The following SMAD9 variants were observed in gnomAD, a reference collection of about 807,000 sequenced individuals.
SMAD9 encodes SMAD family member 9, also known as MAD homolog 9.
Under a neutral mutation model 46.1 loss-of-function variants are expected in SMAD9, and 36 were observed. The ratio of observed to expected loss-of-function variants is 0.78; its 90% CI spans 0.60 to 1.03. The LOEUF (loss-of-function observed/expected upper bound fraction) is 1.03, where lower values mean the gene tolerates loss of function less well. SMAD9 is among the 50% of genes least tolerant of loss of function. The pLI is 0.00. For synonymous variants in SMAD9, 245 were observed against 237.1 expected (o/e 1.03, Z -0.31); for missense variants, 572 against 599.8 (o/e 0.95, Z 0.48).
At chr13:36,896,797 C>A (rs919767272) in intron 1 of SMAD9, among the ~76,000 whole-genome samples, 1 of 151,764 alleles carries the variant, frequency 6.6e-6, no homozygotes, top group Non-Finnish European at 1.5e-5. Flanking sequence ...TTAAATAATT[C>A]ATTTATAAAT....
chr13:36,888,676 G>A (rs910712893), intron 1 of SMAD9, among the ~76,000 whole-genome samples: 2 of 152,134 alleles, frequency 1.3e-5, no homozygotes, highest in Admixed American at 6.5e-5. Flanking sequence ...ATGGAAGTAG[G>A]CGGTGCTCTC....
At chr13:36,919,358 C>A (rs1009306630) in intron 1 of SMAD9, among the ~76,000 whole-genome samples, 7 of 152,018 alleles carry the variant, frequency 4.6e-5, no homozygotes, top group African/African-American at 1.7e-4. Context: ...CTCCCCTCTG[C>A]GGAGAGCTGG....
chr13:36,872,011 T>C (rs2058299783), intron 3 of SMAD9, among the ~76,000 whole-genome samples: 2 of 152,240 alleles, frequency 1.3e-5, no homozygotes, highest in Non-Finnish European at 2.9e-5. Context: ...ATGTATCTTT[T>C]ATTCATTATC....
Position 36,848,495 on chromosome 13 carries a change from C to G in SMAD9, c.*181G>C, listed in dbSNP as rs894661849. 1 of 656,554 alleles carries G rather than the reference C, an allele frequency of 1.5e-6. No individual in the cohort carries two copies. The highest frequency in any genetic ancestry group is 1.8e-5 in the African/African-American group (1 of 55,848). 40.7% of individuals were successfully genotyped at this position (656,554 alleles called of 1,614,324 possible). A position where few individuals can be genotyped will look rare whatever the true frequency, so the allele number is the denominator to read the frequency against. ...CCAAAGTCCTGCTTTTCCAATTGCA[C>G]TGTACTGGCATCAGGTTAACTAGAA... On this transcript the variant is annotated 3_prime_UTR_variant, in exon 7 of 7. Coordinates refer to ENST00000379826, the MANE Select transcript of SMAD9 (RefSeq NM_001127217.3).
At chr13:36,896,907 T>C (rs370378949) in intron 1 of SMAD9, among the ~76,000 whole-genome samples, 8 of 152,166 alleles carry the variant, frequency 5.3e-5, no homozygotes, top group African/African-American at 1.2e-4. Context: ...GCAAGAGTAA[T>C]ATCCAACTTT....
chr13:36,918,274 C>T (rs1448109121), intron 1 of SMAD9, among the ~76,000 whole-genome samples: 1 of 152,190 alleles, frequency 6.6e-6, no homozygotes, highest in African/African-American at 2.4e-5. Context: ...TTGTTTACGT[C>T]TTTGATTTTT....
intron 5 of SMAD9, among the ~76,000 whole-genome samples, chr13:36,856,381 A>G (rs755596498): frequency 1.1e-4 from 17 of 152,216 alleles, no homozygotes; most frequent in Admixed American, 6.5e-4. Flanking sequence ...TTGGTTTTCA[A>G]TCCTGTTCAG....
chr13:36,873,021 G>A (rs1370633181), intron 2 of SMAD9, 106 bp from the exon 3 acceptor site: 1 of 1,332,132 alleles, frequency 7.5e-7, no homozygotes, highest in Admixed American at 1.9e-5. Context: ...TGATAGAGCT[G>A]TTTTTCCCCT....
Position 36,853,746 on chromosome 13 carries a change from A to T in SMAD9, c.1004-71T>A, listed in dbSNP as rs953059614. The T allele has an allele frequency of 5.2e-6, 8 of 1,529,418 alleles. No homozygotes were observed. In the African/African-American group the frequency reaches 1.1e-4, roughly 21 times the overall value. 94.7% of individuals were successfully genotyped at this position (1,529,418 alleles called of 1,614,324 possible). A position where few individuals can be genotyped will look rare whatever the true frequency, so the allele number is the denominator to read the frequency against. On this transcript the variant is annotated intron_variant, in intron 5 of 6. Transcript: ENST00000379826. The stretch of plus-strand genomic sequence containing the variant: ...CGTGCCTCTCCCACTGATTCCTGAA[A>T]CCCTAGGAGATGTGACTCTCCCATC...
At chr13:36,900,917 C>G (rs923630267) in intron 1 of SMAD9, among the ~76,000 whole-genome samples, 12 of 149,906 alleles carry the variant, frequency 8.0e-5, no homozygotes, top group African/African-American at 3.0e-4. Flanking sequence ...TATACACATT[C>G]AGCAGTTTTT....
rs2058050721 is a variant in SMAD9 at position 36,848,613 on chromosome 13, A to G, written c.*63T>C. 20 of 1,496,084 alleles carry G rather than the reference A, an allele frequency of 1.3e-5. No homozygotes were observed. The highest frequency in any genetic ancestry group is 1.9e-5 in the Non-Finnish European group (20 of 1,072,718). 92.7% of individuals were successfully genotyped at this position (1,496,084 alleles called of 1,614,324 possible). On this transcript the variant is annotated 3_prime_UTR_variant, in exon 7 of 7. Coordinates refer to ENST00000379826, the MANE Select transcript of SMAD9 (RefSeq NM_001127217.3). ...TAGAAACTTCAGTTGCAAATCTGAAATGATACAAGCCACTCCCTGCAATAG... is the reference window on the plus strand; with the variant it reads ...TAGAAACTTCAGTTGCAAATCTGAAGTGATACAAGCCACTCCCTGCAATAG...
chr13:36,892,562 T>C (rs1312767229), intron 1 of SMAD9, among the ~76,000 whole-genome samples: 1 of 152,218 alleles, frequency 6.6e-6, no homozygotes, highest in African/African-American at 2.4e-5. Context: ...AACCATCATT[T>C]GTCCTTTAAA....
At chr13:36,889,044 G>A (rs558177543) in intron 1 of SMAD9, among the ~76,000 whole-genome samples, 1 of 152,194 alleles carries the variant, frequency 6.6e-6, no homozygotes, top group East Asian at 1.9e-4. Context: ...TTGAGAAGAG[G>A]ACTGCAGAAG....
intron 3 of SMAD9, among the ~76,000 whole-genome samples, chr13:36,870,628 C>T (rs1049523693): frequency 2.0e-5 from 3 of 152,338 alleles, no homozygotes; most frequent in Non-Finnish European, 2.9e-5. Context: ...GTCCCCCCTT[C>T]TCCACCAGAG....
rs574683231 is a variant in SMAD9 at position 36,862,208 on chromosome 13, G to A, written c.1003+3329C>T. Among the ~76,000 whole-genome samples, 130 of 152,202 alleles carry A rather than the reference G, an allele frequency of 8.5e-4. 1 individual carries two copies. The highest frequency in any genetic ancestry group is 6.2e-3 in the South Asian group (30 of 4,818). ...CAACTCCATCTTGAATAGGGGCTGA[G>A]TAAAATAAGGTGGAGACCTACTGGG... On this transcript the variant is annotated intron_variant, in intron 5 of 6. Transcript: ENST00000379826.
chr13:36,905,048 AT>A (rs1432388548), intron 1 of SMAD9, among the ~76,000 whole-genome samples: 1 of 152,122 alleles, frequency 6.6e-6, no homozygotes, highest in Non-Finnish European at 1.5e-5. Flanking sequence ...GACGGAGATG[AT>A]TTTGCCCCCC....
At chr13:36,919,214 A>G (rs550340103) in intron 1 of SMAD9, among the ~76,000 whole-genome samples, 1 of 152,336 alleles carries the variant, frequency 6.6e-6, no homozygotes, top group South Asian at 2.1e-4. Flanking sequence ...GGTCAAGGGC[A>G]GGAGGAGGAA....
chr13:36,881,665 C>T (rs1363616952), intron 1 of SMAD9, among the ~76,000 whole-genome samples: 5 of 152,204 alleles, frequency 3.3e-5, no homozygotes, highest in Non-Finnish European at 7.3e-5. Flanking sequence ...CTGCTCTTTT[C>T]GCTTGGCAGT....
intron 1 of SMAD9, among the ~76,000 whole-genome samples, chr13:36,919,658 C>T (rs1182752207): frequency 6.6e-6 from 1 of 151,668 alleles, no homozygotes; most frequent in African/African-American, 2.4e-5. Flanking sequence ...ATCCTGGTCC[C>T]TGCCCACGCC....
Sources: allele counts gnomAD v4.1 joint callset (sites outside exome capture counted in the v4.1 genomes callset), GRCh38; gene constraint gnomAD v4.1.1; transcripts MANE v1.5; gene names NCBI Gene and HGNC (gene_info 2026-07-23, HGNC 2026-07-21).